CCDC57: variants seen among roughly 807,000 people sequenced by gnomAD.
CCDC57 encodes the protein coiled-coil domain-containing protein 57.
A neutral mutation model predicts 118.9 loss-of-function variants in CCDC57; 118 were observed. The observed-to-expected ratio is 0.99, with a 90% CI of 0.86 to 1.16. The LOEUF (loss-of-function observed/expected upper bound fraction) is 1.16. Among genes scored for constraint, CCDC57 ranks in the 50% most tolerant of loss-of-function variants. The pLI, the probability that CCDC57 is intolerant of heterozygous loss-of-function variation, is 0.00. For synonymous variants in CCDC57, 527 were observed against 532.9 expected, an observed-to-expected ratio of 0.99 and a Z score of 0.15; for missense variants, 1,300 against 1,320.7, an observed-to-expected ratio of 0.98 and a Z score of 0.24.
intron 11 of CCDC57, among the ~76,000 whole-genome samples, chr17:82,177,878 C>T (rs1202022760): frequency 3.3e-5 from 5 of 152,166 alleles, no homozygotes; most frequent in African/African-American, 1.2e-4. Flanking sequence ...AACTGCAGGC[C>T]TAGGGCAGTC....
chr17:82,143,261 C>T (rs997521744), intron 16 of CCDC57, among the ~76,000 whole-genome samples: 3 of 151,862 alleles, frequency 2.0e-5, no homozygotes, highest in African/African-American at 7.3e-5. Flanking sequence ...AAAACTCTCA[C>T]CTTAAGAAAT....
intron 2 of CCDC57, among the ~76,000 whole-genome samples, chr17:82,204,909 G>C (rs1180744548): frequency 6.6e-6 from 1 of 152,236 alleles, no homozygotes; most frequent in East Asian, 1.9e-4. Context: ...CTGTCTGCAA[G>C]GTTCCTCCTA....
intron 16 of CCDC57, among the ~76,000 whole-genome samples, chr17:82,146,071 G>A (rs2040698058): frequency 6.6e-6 from 1 of 152,200 alleles, no homozygotes; most frequent in African/African-American, 2.4e-5. Flanking sequence ...GTGAGGACAT[G>A]CACTGAGGCA....
exon 3 of CCDC57, chr17:82,201,753 C>T: frequency 6.2e-7 from 1 of 1,613,870 alleles, no homozygotes; most frequent in South Asian, 1.1e-5. Flanking sequence ...CCCGCTCCTC[C>T]AGCACCTGAA....
chr17:82,145,220 G>C (rs1364042494), intron 16 of CCDC57, among the ~76,000 whole-genome samples: 1 of 149,460 alleles, frequency 6.7e-6, no homozygotes, highest in Non-Finnish European at 1.5e-5. Context: ...GTAGAGACGG[G>C]GTTTCATCAT....
At chr17:82,154,212 G>C (rs2042403333) in intron 15 of CCDC57, 1 of 152,398 alleles carries the variant, frequency 6.6e-6, no homozygotes, top group African/African-American at 2.4e-5. Flanking sequence ...AGTGGGACCT[G>C]CCTGGGAGCA....
chr17:82,201,766 T>A (rs777802568), exon 3 of CCDC57: 1 of 1,613,668 alleles, frequency 6.2e-7, no homozygotes, highest in African/African-American at 1.3e-5. Context: ...CACCTGAAGG[T>A]TGTAGACAAA....
chr17:82,161,493 GAAACAACCCA>G (rs2043328807), intron 14 of CCDC57, among the ~76,000 whole-genome samples: 1 of 152,156 alleles, frequency 6.6e-6, no homozygotes, highest in South Asian at 2.1e-4. Context: ...CCAAACAGCG[GAAACAACCCA>G]AATGTTGAGT....
At chr17:82,186,161 G>T (rs377173424) in intron 8 of CCDC57, among the ~76,000 whole-genome samples, 1 of 152,060 alleles carries the variant, frequency 6.6e-6, no homozygotes, top group Non-Finnish European at 1.5e-5. Flanking sequence ...CATGGGATCC[G>T]AATGATAGCT....
intron 17 of CCDC57, among the ~76,000 whole-genome samples, chr17:82,132,118 C>CAAAAAAAAAAAAAA (rs58856013): frequency 2.9e-5 from 3 of 101,886 alleles, no homozygotes; most frequent in African/African-American, 7.3e-5. Flanking sequence ...GACTCTGTCT[C>CAAAAAAAAAAAAAA]AAAAAAAAAA....
At chr17:82,183,152 C>T (rs1352706510) in intron 9 of CCDC57, among the ~76,000 whole-genome samples, 2 of 152,148 alleles carry the variant, frequency 1.3e-5, no homozygotes, top group African/African-American at 2.4e-5. Context: ...TGATATCATA[C>T]AGCATACACA....
At chr17:82,103,110 G>A (rs866055384) in intron 19 of CCDC57, among the ~76,000 whole-genome samples, 5 of 152,310 alleles carry the variant, frequency 3.3e-5, no homozygotes, top group South Asian at 4.1e-4. Context: ...ACTGGGAAGC[G>A]TCTGTGCTTT....
chr17:82,167,925 A>G (rs1395117801), intron 13 of CCDC57, among the ~76,000 whole-genome samples: 2 of 152,174 alleles, frequency 1.3e-5, no homozygotes, highest in Non-Finnish European at 2.9e-5. Flanking sequence ...CTGTCAACGT[A>G]ATTTTAAGAG....
chr17:82,179,733 G>T (rs532027309), intron 9 of CCDC57, among the ~76,000 whole-genome samples: 1 of 152,336 alleles, frequency 6.6e-6, no homozygotes, highest in African/African-American at 2.4e-5. Flanking sequence ...GATGAGAATG[G>T]AAGGAGGAAA....
intron 14 of CCDC57, among the ~76,000 whole-genome samples, chr17:82,162,405 T>G (rs2043458061): frequency 6.6e-6 from 1 of 152,210 alleles, no homozygotes; most frequent in Non-Finnish European, 1.5e-5. Context: ...GTGGGCTCGC[T>G]GCTGGATGCA....
intron 14 of CCDC57, among the ~76,000 whole-genome samples, chr17:82,158,225 C>A (rs139723970): frequency 1.3e-5 from 2 of 152,194 alleles, no homozygotes; most frequent in African/African-American, 4.8e-5. Context: ...TGAGGCAGAG[C>A]GCCTCGAAAC....
intron 19 of CCDC57, among the ~76,000 whole-genome samples, chr17:82,104,631 C>T (rs1221107335): frequency 3.3e-5 from 5 of 152,226 alleles, no homozygotes; most frequent in East Asian, 1.9e-4. Flanking sequence ...CTCCGCCTCC[C>T]GGGTTCACGC....
chr17:82,113,023 G>A (rs900530657), intron 19 of CCDC57: 6 of 256,972 alleles, frequency 2.3e-5, no homozygotes, highest in Non-Finnish European at 4.5e-5. Context: ...AAAGTAAGCC[G>A]ATTTGGTTAT....
intron 19 of CCDC57, among the ~76,000 whole-genome samples, chr17:82,108,080 C>T (rs1170901584): frequency 6.6e-6 from 1 of 152,222 alleles, no homozygotes; most frequent in Non-Finnish European, 1.5e-5. Flanking sequence ...CCTCTGTCCA[C>T]GTGATGTTGG....
Sources: gnomAD v4.1 joint callset for allele counts (sites outside exome capture counted in the v4.1 genomes callset) on GRCh38, gnomAD v4.1.1 for gene constraint, MANE v1.5 for transcripts, NCBI Gene and HGNC (gene_info 2026-07-23, HGNC 2026-07-21) for gene names.